INTS9: variants seen among roughly 807,000 people sequenced by gnomAD.
INTS9 encodes protein related to CPSF subunits of 74 kDa.
Under a neutral mutation model 79.7 loss-of-function variants are expected in INTS9, and 55 were observed. The ratio of observed to expected loss-of-function variants is 0.69; its 90% CI spans 0.56 to 0.86. INTS9 has a LOEUF of 0.86. Ranked by LOEUF, INTS9 falls within the 40% of genes least tolerant of loss-of-function variation. INTS9 has a pLI of 0.00. For missense variants in INTS9, 721 were observed against 831.5 expected (o/e 0.87, Z 1.64); for synonymous variants, 319 against 325.2 (o/e 0.98, Z 0.20).
intron 3 of INTS9, among the ~76,000 whole-genome samples, chr8:28,848,553 C>T (rs1807657914): frequency 6.6e-6 from 1 of 152,172 alleles, no homozygotes; most frequent in Admixed American, 6.5e-5. Context: ...TACAATGTAC[C>T]TGCCAGCTAA....
chr8:28,787,732 C>T (rs1334446221), intron 11 of INTS9, 97 bp downstream of exon 11: 2 of 812,740 alleles, frequency 2.5e-6, no homozygotes, highest in East Asian at 5.1e-5. Context: ...TACAGGTTTA[C>T]ACAGCAATCT....
intron 6 of INTS9, among the ~76,000 whole-genome samples, chr8:28,821,749 A>G (rs1805842826): frequency 6.7e-6 from 1 of 149,698 alleles, no homozygotes. Context: ...GTGTGTTTTG[A>G]TATCTGTGGG....
At chr8:28,875,279 C>T (rs1395789303) in intron 1 of INTS9, among the ~76,000 whole-genome samples, 1 of 150,102 alleles carries the variant, frequency 6.7e-6, no homozygotes, top group Non-Finnish European at 1.5e-5. Flanking sequence ...TGCTACAGAG[C>T]ACTACAAAGC....
intron 2 of INTS9, among the ~76,000 whole-genome samples, chr8:28,851,253 A>G: frequency 6.6e-6 from 1 of 152,030 alleles, no homozygotes; most frequent in East Asian, 1.9e-4. Flanking sequence ...TTCCCAAAAT[A>G]ATTTGATCAG....
At chr8:28,815,884 C>A (rs1035120010) in intron 6 of INTS9, among the ~76,000 whole-genome samples, 2 of 152,070 alleles carry the variant, frequency 1.3e-5, no homozygotes, top group Non-Finnish European at 2.9e-5. Context: ...ACTAAAAGAA[C>A]ACAGTGTACA....
At chr8:28,772,407 G>C (rs534890725) in intron 14 of INTS9, among the ~76,000 whole-genome samples, 1 of 152,142 alleles carries the variant, frequency 6.6e-6, no homozygotes, top group Non-Finnish European at 1.5e-5. Flanking sequence ...CCAGCTACTC[G>C]AGAGCCTAGG....
chr8:28,813,906 G>A (rs113384308), intron 6 of INTS9, among the ~76,000 whole-genome samples: 71 of 151,620 alleles, frequency 4.7e-4, no homozygotes, highest in African/African-American at 1.6e-3. Flanking sequence ...GATTACAGGC[G>A]CCCACCACCA....
chr8:28,815,146 C>T (rs182483394), intron 6 of INTS9, among the ~76,000 whole-genome samples: 9 of 151,636 alleles, frequency 5.9e-5, no homozygotes, highest in South Asian at 2.1e-4. Flanking sequence ...TCCTTACTAT[C>T]GTTAGAAAAA....
At chr8:28,819,748 T>C (rs1015870858) in intron 6 of INTS9, among the ~76,000 whole-genome samples, 14 of 152,266 alleles carry the variant, frequency 9.2e-5, no homozygotes, top group African/African-American at 3.1e-4. Context: ...ATGTTGACAG[T>C]GGGGTGTTAA....
At chr8:28,826,562 C>A (rs1349473061) in intron 6 of INTS9, among the ~76,000 whole-genome samples, 1 of 152,154 alleles carries the variant, frequency 6.6e-6, no homozygotes, top group African/African-American at 2.4e-5. Context: ...CAGGATTCAC[C>A]CCCTTGTGGA....
intron 1 of INTS9, among the ~76,000 whole-genome samples, chr8:28,885,954 T>C (rs556373086): frequency 6.6e-6 from 1 of 152,340 alleles, no homozygotes; most frequent in South Asian, 2.1e-4. Flanking sequence ...ATATTGCATA[T>C]TATAAATACG....
At chr8:28,799,668 GC>G (rs1246623073) in intron 8 of INTS9, among the ~76,000 whole-genome samples, 1 of 152,200 alleles carries the variant, frequency 6.6e-6, no homozygotes. Context: ...CTCAATGAGT[GC>G]TGCAAACGGG....
chr8:28,778,417 A>G (rs1413156044), intron 12 of INTS9, among the ~76,000 whole-genome samples: 1 of 152,156 alleles, frequency 6.6e-6, no homozygotes, highest in Non-Finnish European at 1.5e-5. Flanking sequence ...CAATGGGAAA[A>G]ACTGACTTCA....
chr8:28,808,129 C>T (rs770966338), intron 8 of INTS9, among the ~76,000 whole-genome samples: 3 of 151,972 alleles, frequency 2.0e-5, no homozygotes, highest in Non-Finnish European at 2.9e-5. Flanking sequence ...ATTTTTCTTT[C>T]TTCCACTGTC....
At chr8:28,781,952 G>A (rs151070986) in intron 11 of INTS9, among the ~76,000 whole-genome samples, 1,587 of 152,292 alleles carry the variant, frequency 0.01, 19 homozygotes, top group African/African-American at 0.037. Context: ...ACGTGTCAAT[G>A]TGGGTTCATC....
intron 16 of INTS9, 190 bp downstream of exon 16, chr8:28,769,699 T>TG (rs772333163): frequency 3.9e-5 from 26 of 663,626 alleles, no homozygotes; most frequent in Non-Finnish European, 6.2e-5. Context: ...GGAGGAAGGA[T>TG]GGGGCACTCC....
chr8:28,878,641 T>A (rs866081629), intron 1 of INTS9, among the ~76,000 whole-genome samples: 3,631 of 136,618 alleles, frequency 0.027, 60 homozygotes, highest in Non-Finnish European at 0.032. Flanking sequence ...TTTTTTTTTT[T>A]AAAAAAAAAA....
intron 1 of INTS9, among the ~76,000 whole-genome samples, chr8:28,879,939 G>A (rs1336756636): frequency 6.6e-6 from 1 of 151,968 alleles, no homozygotes; most frequent in Non-Finnish European, 1.5e-5. Flanking sequence ...ATGGAAATGC[G>A]CTAAATCTGG....
intron 5 of INTS9, among the ~76,000 whole-genome samples, chr8:28,835,938 A>G (rs1312792306): frequency 6.6e-6 from 1 of 152,028 alleles, no homozygotes; most frequent in Non-Finnish European, 1.5e-5. Context: ...CCACTCGAGT[A>G]GCTGGGATTA....
Sources: gnomAD v4.1 joint callset for allele counts (sites outside exome capture counted in the v4.1 genomes callset) on GRCh38, gnomAD v4.1.1 for gene constraint, MANE v1.5 for transcripts, NCBI Gene and HGNC (gene_info 2026-07-23, HGNC 2026-07-21) for gene names.